Variants in ARHGAP44 observed in about 807,000 individuals in gnomAD.
ARHGAP44 encodes Rho GTPase activating protein 44, also known as rho GTPase-activating protein 44.
ARHGAP44 carries 43 observed loss-of-function variants against 106.8 expected under a neutral mutation model. The observed-to-expected ratio is 0.40, with a 90% CI of 0.32 to 0.52. The LOEUF is 0.52. Ranked by LOEUF, ARHGAP44 falls within the 20% of genes least tolerant of loss-of-function variation. The pLI is 0.48. For synonymous variants in ARHGAP44, 439 were observed against 410.3 expected (o/e 1.07, Z -0.85); for missense variants, 866 against 1,050.5 (o/e 0.82, Z 2.43).
chr17:12,978,914 C>G (rs2039764767), intron 18 of ARHGAP44, among the ~76,000 whole-genome samples: 1 of 152,128 alleles, frequency 6.6e-6, no homozygotes. Context: ...GTCTCAAACT[C>G]CTGACCTCAG....
Position 12,987,335 on chromosome 17 carries a change from C to T in ARHGAP44, c.2317+2427C>T, listed in dbSNP as rs187730695. 5.9e-6 allele frequency: 3 copies of T among 508,536 alleles called. No homozygotes were observed. The East Asian group carries it at 9.4e-5, about 16-fold the overall frequency. 31.5% of individuals were successfully genotyped at this position (508,536 alleles called of 1,614,324 possible). ...ATGAGCTTATTTGGCTTTGGGGCATCCCTGGCCTCCTTTTCTTTCTTTTCA... is the reference window on the plus strand; with the variant it reads ...ATGAGCTTATTTGGCTTTGGGGCATTCCTGGCCTCCTTTTCTTTCTTTTCA... On this transcript the variant is annotated intron_variant, in intron 20 of 20. Transcript: ENST00000379672.
At chr17:12,800,355 T>C (rs771252111) in intron 1 of ARHGAP44, among the ~76,000 whole-genome samples, 50 of 152,206 alleles carry the variant, frequency 3.3e-4, no homozygotes, top group Non-Finnish European at 7.3e-5. Context: ...CTAATAGTTA[T>C]TGTATCACTC....
chr17:12,988,125 G>C (rs1308100493), intron 20 of ARHGAP44: 2 of 152,212 alleles, frequency 1.3e-5, no homozygotes, highest in Non-Finnish European at 1.5e-5. Context: ...ATGCTGATGA[G>C]GGCTTCTGCC....
intron 3 of ARHGAP44, among the ~76,000 whole-genome samples, chr17:12,899,594 G>C (rs2037312610): frequency 6.6e-6 from 1 of 150,592 alleles, no homozygotes; most frequent in African/African-American, 2.4e-5. Context: ...AAAATGAAAA[G>C]GATCAGGTAA....
At chr17:12,849,607 C>T (rs1042078795) in intron 1 of ARHGAP44, among the ~76,000 whole-genome samples, 6 of 102,064 alleles carry the variant, frequency 5.9e-5, no homozygotes, top group Admixed American at 2.7e-4. Context: ...TTGGCTTCAG[C>T]GTTTTCACCT....
At chr17:12,905,734 T>C (rs1214947436) in intron 3 of ARHGAP44, among the ~76,000 whole-genome samples, 2 of 152,240 alleles carry the variant, frequency 1.3e-5, no homozygotes, top group African/African-American at 4.8e-5. Flanking sequence ...CTCTCTTCTT[T>C]GTCCAATTTC....
At chr17:12,795,191 A>G (rs1373310505) in intron 1 of ARHGAP44, among the ~76,000 whole-genome samples, 1 of 152,220 alleles carries the variant, frequency 6.6e-6, no homozygotes, top group Non-Finnish European at 1.5e-5. Context: ...TCTCAGAGCA[A>G]AGTTTTTCAT....
At chr17:12,791,033 T>C (rs186217819) in intron 1 of ARHGAP44, among the ~76,000 whole-genome samples, 97 of 152,120 alleles carry the variant, frequency 6.4e-4, no homozygotes, top group African/African-American at 2.3e-3. Context: ...TGGCATCTGG[T>C]AGGATGGGGG....
At chr17:12,961,041 T>C (rs1042534786) in intron 16 of ARHGAP44, among the ~76,000 whole-genome samples, 1 of 152,150 alleles carries the variant, frequency 6.6e-6, no homozygotes, top group Non-Finnish European at 1.5e-5. Context: ...CCTGGTTGGG[T>C]GATACAGCAC....
At chr17:12,915,849 G>T in intron 4 of ARHGAP44, 51 bp from the exon 5 acceptor site, 1 of 1,522,074 alleles carries the variant, frequency 6.6e-7, no homozygotes, top group Non-Finnish European at 9.0e-7. Context: ...TAACGCCAGT[G>T]AAATGTTGTC....
At chr17:12,815,404 TTGG>T (rs1193560200) in intron 1 of ARHGAP44, among the ~76,000 whole-genome samples, 1 of 152,148 alleles carries the variant, frequency 6.6e-6, no homozygotes, top group African/African-American at 2.4e-5. Flanking sequence ...AGAAATAGCC[TTGG>T]TGGGGTAGAA....
chr17:12,952,678 A>G (rs2039020859), intron 13 of ARHGAP44, 97 bp downstream of exon 13: 3 of 763,000 alleles, frequency 3.9e-6, no homozygotes, highest in Non-Finnish European at 6.4e-6. Flanking sequence ...ACTACCATGC[A>G]TAGCATTTTA....
At chr17:12,874,146 A>G (rs997365691) in intron 1 of ARHGAP44, among the ~76,000 whole-genome samples, 2 of 152,094 alleles carry the variant, frequency 1.3e-5, no homozygotes, top group African/African-American at 2.4e-5. Flanking sequence ...CACTCCTGCC[A>G]TTATGTCAGC....
rs1019446470 is a variant in ARHGAP44 at position 12,915,907 on chromosome 17, C to T, written c.283C>T (p.Leu95=). The change falls in exon 5 of 21, where the codon CTG becomes TTG. Residue 95 remains leucine, a synonymous_variant. Transcript: ENST00000379672. ...TTCCCCCTTGGATTACAGGAAGATG[C>T]TGAAACTCTGTGGAGAGACGGAGGA... ...LGDDTLLGKM[L]KLCGETEDKL... 1.2e-6 allele frequency: 2 copies of T among 1,613,542 alleles called. No homozygotes were observed. Among genetic ancestry groups the T allele is most frequent in the African/African-American group, 2.7e-5 (2 of 74,910 alleles).
chr17:12,922,859 T>C (rs1445750620), intron 6 of ARHGAP44, among the ~76,000 whole-genome samples: 1 of 152,070 alleles, frequency 6.6e-6, no homozygotes. Context: ...TCTAGAGTTA[T>C]GTTTTCAGTG....
intron 3 of ARHGAP44, among the ~76,000 whole-genome samples, chr17:12,908,436 A>G (rs915951552): frequency 6.6e-6 from 1 of 151,950 alleles, no homozygotes; most frequent in Admixed American, 6.6e-5. Context: ...ACCTCAGGTG[A>G]TCCACCCGCC....
chr17:12,953,678 A>G (rs761158052), intron 13 of ARHGAP44, among the ~76,000 whole-genome samples: 15 of 152,224 alleles, frequency 9.9e-5, no homozygotes, highest in Admixed American at 8.5e-4. Context: ...AACGGATGCC[A>G]TTCTGATTCT....
At position 12,915,906 on chromosome 17, in the gene ARHGAP44, G is replaced by A. The variant is rs1183596223; in HGVS notation, c.282G>A (p.Met94Ile). 1.2e-6 allele frequency: 2 copies of A among 1,613,690 alleles called. No individual in the cohort carries two copies. The highest frequency in any genetic ancestry group is 1.7e-5 in the Admixed American group (1 of 59,986). ...TTTCCCCCTTGGATTACAGGAAGAT[G>A]CTGAAACTCTGTGGAGAGACGGAGG... ...ILGDDTLLGK[M>I]LKLCGETEDK... The change falls in exon 5 of 21, where the codon ATG becomes ATA. Residue 94 changes from methionine to isoleucine, a missense_variant. Transcript: ENST00000379672.
intron 1 of ARHGAP44, among the ~76,000 whole-genome samples, chr17:12,841,594 T>TCTCA (rs1417307080): frequency 2.4e-5 from 3 of 126,514 alleles, no homozygotes; most frequent in Admixed American, 2.3e-4. Context: ...TGTCTCTCTC[T>TCTCA]CACACACACA....
Sources: allele counts gnomAD v4.1 joint callset (sites outside exome capture counted in the v4.1 genomes callset), GRCh38; gene constraint gnomAD v4.1.1; transcripts MANE v1.5; gene names NCBI Gene and HGNC (gene_info 2026-07-23, HGNC 2026-07-21).